The following FARP1 variants were observed in gnomAD, a reference collection of about 807,000 sequenced individuals.
The protein encoded by FARP1 is FERM, ARHGEF and pleckstrin domain-containing protein 1.
Under a neutral mutation model 128.8 loss-of-function variants are expected in FARP1, and 52 were observed. The ratio of observed to expected loss-of-function variants is 0.40; its 90% CI spans 0.32 to 0.51. FARP1 has a LOEUF of 0.51. Ranked by LOEUF, FARP1 falls within the 20% of genes least tolerant of loss-of-function variation. The pLI, the probability that FARP1 is intolerant of heterozygous loss-of-function variation, is 0.45. For missense variants in FARP1, 1,333 were observed against 1,367.9 expected (o/e 0.97, Z 0.40); for synonymous variants, 580 against 551.8 (o/e 1.05, Z -0.72).
intron 3 of FARP1, among the ~76,000 whole-genome samples, chr13:98,351,827 G>A (rs1353783590): frequency 2.0e-5 from 3 of 151,924 alleles, no homozygotes; most frequent in African/African-American, 7.3e-5. Flanking sequence ...GTGGAAACAT[G>A]CTTATTACCC....
intron 1 of FARP1, among the ~76,000 whole-genome samples, chr13:98,191,282 G>A (rs1429516051): frequency 2.6e-5 from 4 of 152,124 alleles, no homozygotes; most frequent in Non-Finnish European, 5.9e-5. Flanking sequence ...TGGGAGTCTC[G>A]GACTGGGTGA....
chr13:98,213,125 GC>G, intron 1 of FARP1, 94 bp from the exon 2 acceptor site: 2 of 938,418 alleles, frequency 2.1e-6, no homozygotes, highest in Non-Finnish European at 1.6e-6. Flanking sequence ...AGGGGATGGA[GC>G]CCCCTGCCCA....
intron 2 of FARP1, among the ~76,000 whole-genome samples, chr13:98,269,442 T>TA (rs1285601904): frequency 2.0e-5 from 3 of 152,264 alleles, no homozygotes; most frequent in Admixed American, 1.3e-4. Context: ...AAGATGATTC[T>TA]AGTTACTAGT....
chr13:98,170,410 G>A lies in FARP1; in HGVS notation c.-24+26918G>A, dbSNP rs1479929764. ...CTTGCTCTGTCACCCAGGCTGGAGT[G>A]CAATGGCGCGATCTCGGCTCACTGC... is the stretch of plus-strand genomic sequence containing the variant. On this transcript the variant is annotated intron_variant, in intron 1 of 26. Transcript: ENST00000319562. Among the ~76,000 whole-genome samples, 5 of 152,266 alleles carry A rather than the reference G, an allele frequency of 3.3e-5. No homozygotes were observed. In the East Asian group the frequency reaches 9.7e-4, roughly 29 times the overall value.
intron 11 of FARP1, among the ~76,000 whole-genome samples, chr13:98,391,926 C>T (rs1373969176): frequency 1.3e-5 from 2 of 152,158 alleles, no homozygotes; most frequent in Admixed American, 1.3e-4. Flanking sequence ...TTTTCATTTT[C>T]ATACATTTAA....
At chr13:98,373,457 C>T (rs149955479) in intron 5 of FARP1, among the ~76,000 whole-genome samples, 1 of 151,758 alleles carries the variant, frequency 6.6e-6, no homozygotes, top group East Asian at 1.9e-4. Flanking sequence ...TTTGTATTCC[C>T]ACCTCCCACA....
intron 1 of FARP1, among the ~76,000 whole-genome samples, chr13:98,164,904 A>C (rs1382519184): frequency 6.6e-6 from 1 of 152,118 alleles, no homozygotes; most frequent in Admixed American, 6.6e-5. Context: ...ACACGGTGAA[A>C]TCCCATCCCT....
intron 2 of FARP1, among the ~76,000 whole-genome samples, chr13:98,313,282 T>C (rs1594389351): frequency 9.4e-6 from 1 of 106,126 alleles, no homozygotes; most frequent in African/African-American, 3.3e-5. Context: ...CACTCTGGAA[T>C]CGGGTGGGTC....
intron 2 of FARP1, among the ~76,000 whole-genome samples, chr13:98,308,026 T>TCC (rs1886252343): frequency 1.8e-4 from 2 of 11,086 alleles, no homozygotes; most frequent in Admixed American, 1.2e-3. Flanking sequence ...CCGCCCCCAC[T>TCC]CTCTCTCTTT....
chr13:98,337,133 G>A (rs1437391545), intron 2 of FARP1, among the ~76,000 whole-genome samples: 4 of 152,110 alleles, frequency 2.6e-5, no homozygotes, highest in Non-Finnish European at 5.9e-5. Context: ...TTGGGAGGCC[G>A]AGGCAGGATG....
chr13:98,347,233 A>G (rs1043264406), intron 3 of FARP1, among the ~76,000 whole-genome samples: 1 of 152,240 alleles, frequency 6.6e-6, no homozygotes, highest in South Asian at 2.1e-4. Flanking sequence ...ACTTGTTACC[A>G]TCGTCATCTT....
chr13:98,436,390 A>G (rs1473847063), intron 19 of FARP1, among the ~76,000 whole-genome samples: 2 of 152,206 alleles, frequency 1.3e-5, no homozygotes, highest in Non-Finnish European at 2.9e-5. Flanking sequence ...CCAGGAATCA[A>G]ACGTATCATT....
Position 98,385,751 on chromosome 13 carries a change from C to G in FARP1, c.696C>G (p.Ala232=). 6.2e-7 allele frequency: 1 copy of G among 1,614,144 alleles called. No homozygotes were observed. The highest frequency in any genetic ancestry group is 2.2e-5 in the East Asian group (1 of 44,884). ...LEMYGIRLHP[A]KDREGTKINL... ...TGTATGGAATCCGGTTGCACCCGGCCAAGGACAGGGAAGGCACGAAGATCA... is the reference window on the plus strand; with the variant it reads ...TGTATGGAATCCGGTTGCACCCGGCGAAGGACAGGGAAGGCACGAAGATCA... Residue 232 remains alanine (A), a synonymous_variant, in exon 8 of 27, where the codon GCC becomes GCG. Coordinates refer to ENST00000319562, the MANE Select transcript of FARP1 (RefSeq NM_005766.4).
At position 98,409,414 on chromosome 13, in the gene FARP1, CT is replaced by C. The variant is rs1566299543; in HGVS notation, c.1493del (p.Leu498CysfsTer5). 6.2e-7 allele frequency: 1 copy of C among 1,614,100 alleles called. No individual in the cohort carries two copies. The highest frequency in any genetic ancestry group is 1.1e-5 in the South Asian group (1 of 91,068). ...GGGGAGTGGCCCCTGCCAACGTGACCTTGTCTCCCAACCTGAGCCCCGACAC... is the reference window on the plus strand; with the variant it reads ...GGGGAGTGGCCCCTGCCAACGTGACCTGTCTCCCAACCTGAGCCCCGACAC... ...QGGVAPANVT[L>X]SPNLSPDTKQ... On this transcript the variant is annotated frameshift_variant, in exon 14 of 27. Coordinates refer to ENST00000319562, the MANE Select transcript of FARP1 (RefSeq NM_005766.4). LOFTEE classifies it high-confidence loss of function.
At chr13:98,416,464 A>C (rs1352714296) in intron 16 of FARP1, among the ~76,000 whole-genome samples, 2 of 152,222 alleles carry the variant, frequency 1.3e-5, no homozygotes, top group East Asian at 3.8e-4. Context: ...ACCTGCCCCT[A>C]TCCAAATGTC....
chr13:98,143,109 C>G lies in FARP1; in HGVS notation c.-407C>G, dbSNP rs534877783. ...GGTGGCCACTGCACTTCCCGCTCGCCGGCCTCAGAGGCGGCGGGTCCGGCG... is the reference window on the plus strand; with the variant it reads ...GGTGGCCACTGCACTTCCCGCTCGCGGGCCTCAGAGGCGGCGGGTCCGGCG... On this transcript the variant is annotated 5_prime_UTR_variant, in exon 1 of 27. Coordinates refer to ENST00000319562, the MANE Select transcript of FARP1 (RefSeq NM_005766.4). The G allele has an allele frequency of 2.7e-5, 4 of 147,934 alleles. No homozygotes were observed. Among genetic ancestry groups the G allele is most frequent in the East Asian group, 3.9e-4 (2 of 5,126 alleles). 9.2% of individuals were successfully genotyped at this position (147,934 alleles called of 1,614,324 possible).
chr13:98,352,544 A>G (rs1006930137), intron 3 of FARP1, among the ~76,000 whole-genome samples: 3 of 152,242 alleles, frequency 2.0e-5, no homozygotes, highest in Admixed American at 1.3e-4. Flanking sequence ...TCAACACTGT[A>G]CAGAAACAAT....
At chr13:98,284,057 G>A (rs1885058741) in intron 2 of FARP1, among the ~76,000 whole-genome samples, 1 of 152,236 alleles carries the variant, frequency 6.6e-6, no homozygotes, top group Non-Finnish European at 1.5e-5. Context: ...GCTGGTGGCT[G>A]CCATATTGGA....
At chr13:98,443,375 C>T (rs1892609403) in intron 24 of FARP1, among the ~76,000 whole-genome samples, 1 of 152,188 alleles carries the variant, frequency 6.6e-6, no homozygotes, top group Non-Finnish European at 1.5e-5. Context: ...AAGCCCCCTC[C>T]CAAGGCACGT....
Sources: allele counts gnomAD v4.1 joint callset (sites outside exome capture counted in the v4.1 genomes callset), GRCh38; gene constraint gnomAD v4.1.1; transcripts MANE v1.5; gene names NCBI Gene and HGNC (gene_info 2026-07-23, HGNC 2026-07-21).